Variants in ABCB5 observed in about 807,000 individuals in gnomAD.
The protein encoded by ABCB5 is ATP binding cassette subfamily B member 5, also known as ATP-binding cassette sub-family B member 5.
ABCB5 carries 155 observed loss-of-function variants against 144.2 expected under a neutral mutation model. The observed-to-expected ratio is 1.08, with a 90% CI of 0.94 to 1.23. The LOEUF (loss-of-function observed/expected upper bound fraction) is 1.23. Ranked by LOEUF, ABCB5 falls within the 50% of genes most tolerant of loss-of-function variation. The probability of loss-of-function intolerance (pLI) is 0.00; values close to 1 mark genes in which losing one functional copy is unlikely to be tolerated. For missense variants in ABCB5, 1,830 were observed against 1,520.8 expected, an observed-to-expected ratio of 1.20 and a Z score of -3.38; for synonymous variants, 610 against 528.6, an observed-to-expected ratio of 1.15 and a Z score of -2.11.
intron 5 of ABCB5, chr7:20,642,093 C>T (rs1310558945): frequency 2.0e-5 from 3 of 152,198 alleles, no homozygotes; most frequent in Non-Finnish European, 1.5e-5. Flanking sequence ...CATCCGTTCT[C>T]CACAGAGAAG....
At chr7:20,744,491 T>C (rs1395551692) in intron 25 of ABCB5, among the ~76,000 whole-genome samples, 1 of 152,010 alleles carries the variant, frequency 6.6e-6, no homozygotes, top group Non-Finnish European at 1.5e-5. Context: ...CTCCATACCC[T>C]CCCCACTGCC....
intron 20 of ABCB5, among the ~76,000 whole-genome samples, chr7:20,714,399 TTAA>T (rs1297250649): frequency 6.6e-6 from 1 of 152,182 alleles, no homozygotes; most frequent in African/African-American, 2.4e-5. Context: ...CTAAGAAAGC[TTAA>T]TTAAATTTCT....
At chr7:20,644,298 C>G (rs1054087014) in intron 7 of ABCB5, among the ~76,000 whole-genome samples, 2 of 151,992 alleles carry the variant, frequency 1.3e-5, no homozygotes, top group African/African-American at 2.4e-5. Flanking sequence ...AGGCTGATCT[C>G]GAATTCTTGG....
rs149931729 is a variant in ABCB5, at chr7:20,681,528, C to A, written c.1731C>A (p.Ile577=). The change falls in exon 15 of 28, where the codon ATC becomes ATA. Residue 577 remains isoleucine (I), a synonymous_variant. Transcript: ENST00000404938. The stretch of plus-strand genomic sequence containing the variant: ...AGGCGAGCAAAGGTCGGACTACAAT[C>A]GTGGTAGCACACCGACTTTCTACTA... The part of the protein sequence containing the change: ...LEKASKGRTT[I]VVAHRLSTIR... The A allele has an allele frequency of 6.2e-7, 1 of 1,614,164 alleles. No individual in the cohort carries two copies. The highest frequency in any genetic ancestry group is 2.2e-5 in the East Asian group (1 of 44,884).
intron 14 of ABCB5, among the ~76,000 whole-genome samples, chr7:20,679,223 T>A (rs1785708124): frequency 6.6e-6 from 1 of 151,940 alleles, no homozygotes; most frequent in Non-Finnish European, 1.5e-5. Context: ...ATCCCAGCAC[T>A]TTGGGATGCT....
At chr7:20,622,606 GT>G (rs1284261471) in intron 1 of ABCB5, among the ~76,000 whole-genome samples, 19 of 152,018 alleles carry the variant, frequency 1.2e-4, no homozygotes, top group African/African-American at 4.1e-4. Context: ...CTGAGACTGA[GT>G]CACAACCATC....
chr7:20,662,019 A>G (rs1477667253), intron 14 of ABCB5, among the ~76,000 whole-genome samples: 1 of 152,208 alleles, frequency 6.6e-6, no homozygotes, highest in Admixed American at 6.5e-5. Context: ...CTGCCCCACT[A>G]GTAGGAGACA....
At chr7:20,637,858 G>A (rs1367669700) in intron 5 of ABCB5, among the ~76,000 whole-genome samples, 1 of 152,182 alleles carries the variant, frequency 6.6e-6, no homozygotes, top group African/African-American at 2.4e-5. Flanking sequence ...CATATAGTAA[G>A]TGCTCAATAA....
chr7:20,740,263 A>G (rs2128054654), intron 24 of ABCB5, among the ~76,000 whole-genome samples: 1 of 152,266 alleles, frequency 6.6e-6, no homozygotes, highest in African/African-American at 2.4e-5. Context: ...TAAATACAAA[A>G]TAAATAATAG....
rs1410649293 is a variant in ABCB5 at position 20,723,084 on chromosome 7, C to A, written c.2490C>A (p.Ser830=). The change falls in exon 21 of 28, where the codon TCC becomes TCA. Residue 830 remains serine (S), a synonymous_variant. Transcript: ENST00000404938. ...ATNMGLSVII[S]FIYGWEMTFL... ...ACATGGGACTTTCAGTTATCATTTC[C>A]TTTATATATGGATGGGAGATGACAT... is the stretch of plus-strand genomic sequence containing the variant. 1.9e-6 allele frequency: 3 copies of A among 1,614,032 alleles called. No individual in the cohort carries two copies. The highest frequency in any genetic ancestry group is 1.1e-5 in the South Asian group (1 of 91,070).
intron 16 of ABCB5, among the ~76,000 whole-genome samples, chr7:20,697,085 A>G (rs1786444569): frequency 1.3e-5 from 2 of 152,140 alleles, no homozygotes; most frequent in South Asian, 4.1e-4. Flanking sequence ...AAATTTTTGT[A>G]CATTCTTTTG....
Position 20,745,437 on chromosome 7 carries a change from A to G in ABCB5, c.3428A>G (p.Glu1143Gly), listed in dbSNP as rs769158771. Residue 1143 changes from glutamate to glycine, a missense_variant and splice_region_variant, in exon 26 of 28, where the codon GAG becomes GGG. By Grantham distance (98) the Glu-to-Gly change is moderately conservative. Coordinates refer to ENST00000404938, the MANE Select transcript of ABCB5 (RefSeq NM_001163941.2). Reference protein sequence around the residue: ...NIHSFIEGLPEKYNTQVGLKG... With the variant: ...NIHSFIEGLPGKYNTQVGLKG... ...CATTCTTTTATTGAAGGTCTCCCTG[A>G]GGTAAGAAAATTTCTGAAATCTTGA... 1.2e-6 allele frequency: 2 copies of G among 1,613,992 alleles called. No individual in the cohort carries two copies. The highest frequency in any genetic ancestry group is 2.2e-5 in the South Asian group (2 of 91,074).
At position 20,643,613 on chromosome 7, in the gene ABCB5, C is replaced by T; in HGVS notation, c.659C>T (p.Ser220Leu). 6.2e-7 allele frequency: 1 copy of T among 1,613,924 alleles called. No individual in the cohort carries two copies. The highest frequency in any genetic ancestry group is 8.5e-7 in the Non-Finnish European group (1 of 1,179,878). Reference sequence around the variant, plus strand: ...TCCACGTCTCCTCTTATAATGGCTTCAGCGGCAGCATGTTCTAGGGTAAGT... The same window carrying T: ...TCCACGTCTCCTCTTATAATGGCTTTAGCGGCAGCATGTTCTAGGGTAAGT... ...TLSTSPLIMA[S>L]AAACSRMVIS... The change falls in exon 7 of 28, where the codon TCA becomes TTA. Residue 220 changes from serine (S) to leucine (L), a missense_variant. Transcript: ENST00000404938.
At chr7:20,750,521 C>T (rs868305015) in intron 26 of ABCB5, among the ~76,000 whole-genome samples, 1 of 151,544 alleles carries the variant, frequency 6.6e-6, no homozygotes, top group African/African-American at 2.4e-5. Flanking sequence ...TATATTTATC[C>T]CACTTAGAAT....
intron 23 of ABCB5, among the ~76,000 whole-genome samples, chr7:20,734,847 C>T (rs1782333466): frequency 6.6e-6 from 1 of 152,184 alleles, no homozygotes; most frequent in Non-Finnish European, 1.5e-5. Context: ...AAAACACTCA[C>T]CTCTCCCTTT....
At chr7:20,691,972 C>A (rs1424527083) in intron 16 of ABCB5, among the ~76,000 whole-genome samples, 1 of 151,988 alleles carries the variant, frequency 6.6e-6, no homozygotes, top group Non-Finnish European at 1.5e-5. Flanking sequence ...TAGAAATAGA[C>A]CCGGAAATGG....
chr7:20,623,374 C>A lies in ABCB5; in HGVS notation c.53+36C>A, dbSNP rs139131847. 22 of 1,483,304 alleles carry A rather than the reference C, an allele frequency of 1.5e-5. No individual in the cohort carries two copies. In the East Asian group the frequency reaches 4.9e-4, roughly 33 times the overall value. 91.9% of individuals were successfully genotyped at this position (1,483,304 alleles called of 1,614,324 possible). On this transcript the variant is annotated intron_variant, in intron 2 of 27. Coordinates refer to ENST00000404938, the MANE Select transcript of ABCB5 (RefSeq NM_001163941.2). ...ACTAAGTTCTGTAAGTATGCTTCCA[C>A]AACTTCAAATATAACTCATCCTTTC... is the stretch of plus-strand genomic sequence containing the variant.
chr7:20,728,390 G>A lies in ABCB5; in HGVS notation c.2802G>A (p.Ala934=), dbSNP rs10254317. 736,336 of 1,613,664 alleles carry A rather than the reference G, an allele frequency of 0.46. 175,099 individuals carry two copies. The highest frequency in any genetic ancestry group is 0.74 in the African/African-American group (55,287 of 74,936). Residue 934 remains alanine (A), a synonymous_variant, in exon 23 of 28, where the codon GCG becomes GCA. Transcript: ENST00000404938. ...ATGCCTTTATATATTTTGCCTATGCGGCAGGGTTTCGATTTGGAGCCTATT... is the reference window on the plus strand; with the variant it reads ...ATGCCTTTATATATTTTGCCTATGCAGCAGGGTTTCGATTTGGAGCCTATT... The part of the protein sequence containing the change: ...FSHAFIYFAY[A]AGFRFGAYLI...
chr7:20,638,962 T>C (rs1190546244), intron 5 of ABCB5, among the ~76,000 whole-genome samples: 6 of 152,184 alleles, frequency 3.9e-5, no homozygotes, highest in Non-Finnish European at 1.5e-5. Context: ...GGCTACACCA[T>C]TTTACTGTCC....
Sources: allele counts gnomAD v4.1 joint callset (sites outside exome capture counted in the v4.1 genomes callset), GRCh38; gene constraint gnomAD v4.1.1; transcripts MANE v1.5; gene names NCBI Gene and HGNC (gene_info 2026-07-23, HGNC 2026-07-21).